The following LRP1B variants were observed in gnomAD, a reference collection of about 807,000 sequenced individuals.
LRP1B encodes the protein LDL receptor related protein 1B, also known as low-density lipoprotein receptor-related protein 1B.
Under a neutral mutation model 556.6 loss-of-function variants are expected in LRP1B, and 217 were observed. The observed-to-expected ratio is 0.39, with a 90% CI of 0.35 to 0.44. The LOEUF (loss-of-function observed/expected upper bound fraction) is 0.44. Among genes scored for constraint, LRP1B ranks in the 20% least tolerant of loss-of-function variants. The pLI is 1.00. For synonymous variants in LRP1B, 2,047 were observed against 1,865.8 expected (o/e 1.10, Z -2.50); for missense variants, 5,053 against 5,620.8 (o/e 0.90, Z 3.23).
chr2:141,331,671 A>C (rs1573817300), intron 3 of LRP1B, among the ~76,000 whole-genome samples: 2 of 152,104 alleles, frequency 1.3e-5, no homozygotes, highest in African/African-American at 4.8e-5. Context: ...TCTTAATAGG[A>C]ATGTAAACAA....
intron 3 of LRP1B, among the ~76,000 whole-genome samples, chr2:141,326,974 T>A (rs1687452794): frequency 6.6e-6 from 1 of 151,852 alleles, no homozygotes; most frequent in African/African-American, 2.4e-5. Flanking sequence ...ACCTATTGCA[T>A]CAATCTAGCA....
chr2:141,350,679 A>G (rs919815910), intron 3 of LRP1B, among the ~76,000 whole-genome samples: 2 of 152,090 alleles, frequency 1.3e-5, no homozygotes, highest in African/African-American at 4.8e-5. Context: ...TGAGGCTTTC[A>G]TAACTTCATC....
At chr2:141,719,454 A>G (rs1035333002) in intron 2 of LRP1B, among the ~76,000 whole-genome samples, 9 of 152,256 alleles carry the variant, frequency 5.9e-5, no homozygotes, top group Middle Eastern at 3.4e-3. Context: ...TAAGTTTTAG[A>G]TAAGTCATTT....
chr2:140,447,962 T>C (rs1686735658), intron 63 of LRP1B, among the ~76,000 whole-genome samples: 1 of 152,076 alleles, frequency 6.6e-6, no homozygotes, highest in South Asian at 2.1e-4. Flanking sequence ...ATCAGTTAAG[T>C]TTGTTGTCTT....
chr2:141,477,125 AAAACAAAC>A (rs141603766), intron 3 of LRP1B, among the ~76,000 whole-genome samples: 2 of 112,620 alleles, frequency 1.8e-5, no homozygotes, highest in Admixed American at 9.1e-5. Flanking sequence ...TCCGTCTCAA[AAAACAAAC>A]AAACAAACAA....
At chr2:140,575,941 A>G (rs1681507224) in intron 43 of LRP1B, among the ~76,000 whole-genome samples, 1 of 147,602 alleles carries the variant, frequency 6.8e-6, no homozygotes, top group Admixed American at 6.7e-5. Context: ...AAAACAAAAA[A>G]CAAAAAAAAA....
intron 5 of LRP1B, among the ~76,000 whole-genome samples, chr2:141,234,514 C>G (rs901420808): frequency 6.6e-6 from 1 of 151,954 alleles, no homozygotes; most frequent in Non-Finnish European, 1.5e-5. Context: ...GTAGCTGGGA[C>G]TACACACTTG....
chr2:141,432,447 C>A (rs1680596779), intron 3 of LRP1B, among the ~76,000 whole-genome samples: 1 of 151,840 alleles, frequency 6.6e-6, no homozygotes, highest in African/African-American at 2.4e-5. Context: ...GTAATTCTTG[C>A]CTAATAGAAT....
chr2:140,497,526 A>G (rs1489253149), intron 55 of LRP1B, among the ~76,000 whole-genome samples: 1 of 151,912 alleles, frequency 6.6e-6, no homozygotes, highest in Admixed American at 6.6e-5. Flanking sequence ...TTTAAAAAAA[A>G]AGAAAATGAG....
At chr2:141,159,460 G>A (rs1297526276) in intron 7 of LRP1B, among the ~76,000 whole-genome samples, 1 of 152,008 alleles carries the variant, frequency 6.6e-6, no homozygotes, top group African/African-American at 2.4e-5. Context: ...GTGAAGCCCT[G>A]GGCTCAAGCA....
chr2:140,709,608 C>T (rs1251966853), intron 37 of LRP1B, among the ~76,000 whole-genome samples: 1 of 151,988 alleles, frequency 6.6e-6, no homozygotes, highest in South Asian at 2.1e-4. Flanking sequence ...TTTAAAAGAG[C>T]TCAAGTCTCT....
chr2:141,377,017 C>T (rs1162882356), intron 3 of LRP1B, among the ~76,000 whole-genome samples: 1 of 152,054 alleles, frequency 6.6e-6, no homozygotes, highest in Non-Finnish European at 1.5e-5. Context: ...TTGTCCTGGG[C>T]TCATACTAAG....
At position 141,301,453 on chromosome 2, in the gene LRP1B, T is replaced by G. The variant is rs578246305; in HGVS notation, c.344-46812A>C. Among the ~76,000 whole-genome samples the G allele has an allele frequency of 4.5e-4, 68 of 152,266 alleles. 1 individual carries two copies. The highest frequency in any genetic ancestry group is 6.3e-4 in the Non-Finnish European group (43 of 68,006). On this transcript the variant is annotated intron_variant, in intron 3 of 90. Coordinates refer to ENST00000389484, the MANE Select transcript of LRP1B (RefSeq NM_018557.3). ...TTAGTGTGGAAAACTAGCCTTAGCC[T>G]CCCAAACCTCTCAGATCACATACAA... is the stretch of plus-strand genomic sequence containing the variant.
intron 60 of LRP1B, among the ~76,000 whole-genome samples, chr2:140,459,934 T>C (rs1248680577): frequency 6.6e-6 from 1 of 152,144 alleles, no homozygotes; most frequent in East Asian, 1.9e-4. Context: ...TCTGCCATGA[T>C]TGTAAGTTTT....
intron 51 of LRP1B, 118 bp downstream of exon 51, chr2:140,514,535 A>G: frequency 1.2e-6 from 1 of 821,834 alleles, no homozygotes; most frequent in East Asian, 2.9e-5. Context: ...CTACCTAGAA[A>G]GGTACACATA....
intron 35 of LRP1B, among the ~76,000 whole-genome samples, chr2:140,762,006 G>A (rs1163885862): frequency 6.7e-6 from 1 of 149,490 alleles, no homozygotes; most frequent in Non-Finnish European, 1.5e-5. Flanking sequence ...TGATGATGAT[G>A]CCTTCCCTAA....
At chr2:141,326,617 G>A (rs1175175889) in intron 3 of LRP1B, among the ~76,000 whole-genome samples, 2 of 152,088 alleles carry the variant, frequency 1.3e-5, no homozygotes, top group African/African-American at 4.8e-5. Flanking sequence ...TCAATGTCAG[G>A]GCACATTTTG....
chr2:140,435,884 C>T (rs1686155766), intron 66 of LRP1B, among the ~76,000 whole-genome samples: 1 of 152,068 alleles, frequency 6.6e-6, no homozygotes, highest in Non-Finnish European at 1.5e-5. Flanking sequence ...GATAGGCTCT[C>T]CTTCAACGGT....
In LRP1B at chr2:140,894,689, C is replaced by A. The variant is rs529366727; in HGVS notation, c.3766+8231G>T. 3.3e-5 allele frequency among the ~76,000 whole-genome samples: 5 copies of A among 152,186 alleles called. No homozygotes were observed. In the South Asian group the frequency reaches 1.0e-3, roughly 32 times the overall value. On this transcript the variant is annotated intron_variant, in intron 23 of 90. Coordinates refer to ENST00000389484, the MANE Select transcript of LRP1B (RefSeq NM_018557.3). ...ATAGGCCGGGCACGGACGCTTACAC[C>A]TGTAATCCCAGCACTTTGGGAAGCC...
Sources: allele counts gnomAD v4.1 joint callset (sites outside exome capture counted in the v4.1 genomes callset), GRCh38; gene constraint gnomAD v4.1.1; transcripts MANE v1.5; gene names NCBI Gene and HGNC (gene_info 2026-07-23, HGNC 2026-07-21).